Variants in NOVA1 observed in about 807,000 individuals in gnomAD.
NOVA1 encodes NOVA alternative splicing regulator 1.
A neutral mutation model predicts 38.0 loss-of-function variants in NOVA1; 7 were observed. The observed-to-expected ratio is 0.18, with a 90% confidence interval of 0.10 to 0.35. The LOEUF (loss-of-function observed/expected upper bound fraction) is 0.35, where lower values mean the gene tolerates loss of function less well. NOVA1 is among the 10% of genes least tolerant of loss of function. The probability of loss-of-function intolerance (pLI) is 1.00; values close to 1 mark genes in which losing one functional copy is unlikely to be tolerated. For missense variants in NOVA1, 460 were observed against 616.0 expected, an observed-to-expected ratio of 0.75 and a Z score of 2.68; for synonymous variants, 270 against 232.5, an observed-to-expected ratio of 1.16 and a Z score of -1.47.
chr14:26,507,167 A>C (rs1887699286), intron 2 of NOVA1, among the ~76,000 whole-genome samples: 1 of 152,194 alleles, frequency 6.6e-6, no homozygotes, highest in Non-Finnish European at 1.5e-5. Flanking sequence ...CACTTAGCAC[A>C]ATTCTCGAAC....
At chr14:26,472,609 T>G (rs1884675012) in intron 3 of NOVA1, among the ~76,000 whole-genome samples, 1 of 152,076 alleles carries the variant, frequency 6.6e-6, no homozygotes, top group African/African-American at 2.4e-5. Flanking sequence ...ATTCATGACT[T>G]GAAATCATGA....
chr14:26,591,704 A>G (rs1484319841), intron 2 of NOVA1, among the ~76,000 whole-genome samples: 1 of 151,592 alleles, frequency 6.6e-6, no homozygotes, highest in Non-Finnish European at 1.5e-5. Context: ...TTTGGCCACT[A>G]TATTTTCCCC....
chr14:26,534,920 T>C (rs543416370), intron 2 of NOVA1, among the ~76,000 whole-genome samples: 2 of 152,148 alleles, frequency 1.3e-5, no homozygotes, highest in South Asian at 4.1e-4. Context: ...AAAGGGATTC[T>C]TCCCTAGTGC....
At chr14:26,512,726 C>G (rs1348732831) in intron 2 of NOVA1, among the ~76,000 whole-genome samples, 2 of 152,036 alleles carry the variant, frequency 1.3e-5, no homozygotes, top group African/African-American at 4.8e-5. Flanking sequence ...CAAATTGTGG[C>G]TTCACTGGCT....
chr14:26,590,664 C>T (rs1893789455), intron 2 of NOVA1, among the ~76,000 whole-genome samples: 1 of 151,808 alleles, frequency 6.6e-6, no homozygotes, highest in East Asian at 1.9e-4. Flanking sequence ...TTTCAAGACA[C>T]AGATCATTTT....
At chr14:26,593,319 G>A (rs1040651882) in intron 2 of NOVA1, 1 of 151,858 alleles carries the variant, frequency 6.6e-6, no homozygotes, top group Admixed American at 6.6e-5. Context: ...CTGAAGACTT[G>A]TGGTCAAGTG....
At chr14:26,472,060 T>G in intron 4 of NOVA1, 1 of 457,444 alleles carries the variant, frequency 2.2e-6, no homozygotes, top group East Asian at 3.2e-5. Flanking sequence ...CAGTGCTCCA[T>G]TAGGTAGTCA....
In NOVA1 at chr14:26,597,750, G is replaced by C. The variant is rs1894301456; in HGVS notation, c.-314C>G. On this transcript the variant is annotated 5_prime_UTR_variant, in exon 1 of 5. Transcript: ENST00000539517. ...AGACAGGGGGAGAGAGTGGAGAAGG[G>C]AGAGGGGCGAGTGAATGAGCGGGAG... 1 of 998,566 alleles carries C rather than the reference G, an allele frequency of 1.0e-6. No homozygotes were observed. The highest frequency in any genetic ancestry group is 4.8e-5 in the South Asian group (1 of 20,734). 61.9% of individuals were successfully genotyped at this position (998,566 alleles called of 1,614,324 possible).
chr14:26,481,988 TAAAAAAAAAA>T (rs372806170), intron 2 of NOVA1, among the ~76,000 whole-genome samples: 3,237 of 105,948 alleles, frequency 0.031, 74 homozygotes, highest in Admixed American at 0.05. Flanking sequence ...TAGATAGAGA[TAAAAAAAAAA>T]AAAAAAAAAA....
rs576848342 is a variant in NOVA1, at chr14:26,494,091, T to C, written c.281-13948A>G. ...AGCCATCATCAGACTCTTATCCTCA[T>C]AGTAATCCATATATCTCTGAATCTC... On this transcript the variant is annotated intron_variant, in intron 2 of 4. Transcript: ENST00000539517. 2.0e-5 allele frequency among the ~76,000 whole-genome samples: 3 copies of C among 152,310 alleles called. No individual in the cohort carries two copies. The East Asian group carries it at 5.8e-4, about 29-fold the overall frequency.
At chr14:26,495,819 C>A (rs1594401860) in intron 2 of NOVA1, among the ~76,000 whole-genome samples, 1 of 139,750 alleles carries the variant, frequency 7.2e-6, no homozygotes, top group East Asian at 2.0e-4. Context: ...CTACAAAGGA[C>A]ATGAACTCAT....
intron 4 of NOVA1, 153 bp downstream of exon 4, chr14:26,472,166 TA>T: frequency 1.8e-6 from 1 of 550,738 alleles, no homozygotes. Context: ...ATTTTAGAAA[TA>T]ATTGATATTT....
At chr14:26,489,029 T>C (rs890287525) in intron 2 of NOVA1, among the ~76,000 whole-genome samples, 32 of 151,964 alleles carry the variant, frequency 2.1e-4, no homozygotes, top group African/African-American at 7.0e-4. Context: ...ATCAGAGTCA[T>C]GTAAAGGTAA....
At chr14:26,576,830 A>G (rs1315042763) in intron 2 of NOVA1, among the ~76,000 whole-genome samples, 1 of 151,964 alleles carries the variant, frequency 6.6e-6, no homozygotes, top group East Asian at 1.9e-4. Flanking sequence ...CAGTCAGATA[A>G]ATTATCTATC....
intron 4 of NOVA1, among the ~76,000 whole-genome samples, chr14:26,459,820 A>C (rs1026708741): frequency 6.6e-6 from 1 of 152,032 alleles, no homozygotes; most frequent in African/African-American, 2.4e-5. Flanking sequence ...ATCTCCATTT[A>C]AACTTATGTA....
At chr14:26,473,432 T>C (rs1438631900) in intron 3 of NOVA1, among the ~76,000 whole-genome samples, 1 of 151,924 alleles carries the variant, frequency 6.6e-6, no homozygotes, top group Non-Finnish European at 1.5e-5. Flanking sequence ...GATACACTTG[T>C]ATATGGACAT....
chr14:26,570,617 C>T (rs1260592471), intron 2 of NOVA1, among the ~76,000 whole-genome samples: 2 of 151,940 alleles, frequency 1.3e-5, no homozygotes, highest in Non-Finnish European at 2.9e-5. Context: ...TATATGTATA[C>T]ACACATGTAT....
At position 26,445,598 on chromosome 14, in the gene NOVA1, G is replaced by C. The variant is rs1209486964; in HGVS notation, c.*2361C>G. 1.3e-5 allele frequency: 2 copies of C among 152,234 alleles called. No individual in the cohort carries two copies. Among genetic ancestry groups the C allele is most frequent in the East Asian group, 3.9e-4 (2 of 5,172 alleles). 9.4% of individuals were successfully genotyped at this position (152,234 alleles called of 1,614,324 possible). A position where few individuals can be genotyped will look rare whatever the true frequency, so the allele number is the denominator to read the frequency against. Reference sequence around the variant, plus strand: ...ACATTAAATTCCAGATGAAATGCATGGGCTCCACAGTGGACTACTGGAATT... The same window carrying C: ...ACATTAAATTCCAGATGAAATGCATCGGCTCCACAGTGGACTACTGGAATT... On this transcript the variant is annotated 3_prime_UTR_variant, in exon 5 of 5. Transcript: ENST00000539517.
intron 2 of NOVA1, among the ~76,000 whole-genome samples, chr14:26,536,909 C>T (rs1426111234): frequency 6.6e-6 from 1 of 152,100 alleles, no homozygotes; most frequent in Admixed American, 6.6e-5. Context: ...CACACACATA[C>T]ATACACTACT....
Sources: allele counts gnomAD v4.1 joint callset (sites outside exome capture counted in the v4.1 genomes callset), GRCh38; gene constraint gnomAD v4.1.1; transcripts MANE v1.5; gene names NCBI Gene and HGNC (gene_info 2026-07-23, HGNC 2026-07-21).